The following SLC12A3 variants were observed in gnomAD, a reference collection of about 807,000 sequenced individuals.
SLC12A3 encodes solute carrier family 12 member 3.
A neutral mutation model predicts 121.0 loss-of-function variants in SLC12A3; 104 were observed. That is an observed-to-expected ratio of 0.86 (90% confidence interval 0.73 to 1.01). The LOEUF (loss-of-function observed/expected upper bound fraction) is 1.01. Ranked by LOEUF, SLC12A3 falls within the 50% of genes least tolerant of loss-of-function variation. The pLI is 0.00. For missense variants in SLC12A3, 1,328 were observed against 1,356.3 expected (o/e 0.98, Z 0.33); for synonymous variants, 536 against 533.4 (o/e 1.00, Z -0.07).
intron 25 of SLC12A3, among the ~76,000 whole-genome samples, chr16:56,910,061 TA>T (rs1246444396): frequency 6.6e-6 from 1 of 152,148 alleles, no homozygotes; most frequent in Non-Finnish European, 1.5e-5. Flanking sequence ...CTTTTTTTTC[TA>T]AAAACACTCC....
chr16:56,900,110 A>G (rs1312075307), intron 23 of SLC12A3, among the ~76,000 whole-genome samples: 4 of 152,092 alleles, frequency 2.6e-5, no homozygotes, highest in African/African-American at 9.7e-5. Context: ...TCACTAAGGT[A>G]TGTTTCCTCC....
Position 56,869,830 on chromosome 16 carries a change from C to T in SLC12A3, c.601+6C>T. The T allele has an allele frequency of 6.2e-7, 1 of 1,612,226 alleles. No individual in the cohort carries two copies. Among genetic ancestry groups the T allele is most frequent in the Non-Finnish European group, 8.5e-7 (1 of 1,178,322 alleles). ...CAATGGCAAGGTCAAGTCAGGTGGG[C>T]CATCCCCCTTTCCACCAAGGCCCTC... On this transcript the variant is annotated splice_donor_region_variant and intron_variant, in intron 4 of 25. Transcript: ENST00000563236.
At chr16:56,902,860 G>A (rs1282146956) in intron 24 of SLC12A3, among the ~76,000 whole-genome samples, 1 of 152,030 alleles carries the variant, frequency 6.6e-6, no homozygotes, top group East Asian at 1.9e-4. Flanking sequence ...AATTAGTCCT[G>A]TTAGGCCGGG....
At position 56,869,722 on chromosome 16, in the gene SLC12A3, C is replaced by T; in HGVS notation, c.506-7C>T. On this transcript the variant is annotated splice_region_variant and splice_polypyrimidine_tract_variant and intron_variant, in intron 3 of 25. Transcript: ENST00000563236. ...TGCCCTGCCTAAGCTTTGGGTGCCC[C>T]CTGCAGTCCTGACCTGGATCATCAT... The T allele has an allele frequency of 6.2e-7, 1 of 1,613,678 alleles. No homozygotes were observed. Among genetic ancestry groups the T allele is most frequent in the South Asian group, 1.1e-5 (1 of 91,046 alleles).
At position 56,879,172 on chromosome 16, in the gene SLC12A3, T is replaced by C; in HGVS notation, c.1280T>C (p.Phe427Ser). The C allele has an allele frequency of 6.2e-7, 1 of 1,613,196 alleles. No individual in the cohort carries two copies. Among genetic ancestry groups the C allele is most frequent in the Non-Finnish European group, 8.5e-7 (1 of 1,179,980 alleles). The change falls in exon 10 of 26, where the codon TTC (phenylalanine) becomes TCC (serine). Residue 427 changes from phenylalanine (F) to serine (S), a missense_variant. Coordinates refer to ENST00000563236, the MANE Select transcript of SLC12A3 (RefSeq NM_001126108.2). ...CTGGCCTGCAGCTATGGCTGGAACT[T>C]CACCGAGTGCACCCAGCAGCACAGC... The part of the protein sequence containing the change: ...EGLACSYGWN[F>S]TECTQQHSCH...
intron 17 of SLC12A3, among the ~76,000 whole-genome samples, chr16:56,887,367 G>C (rs1461958766): frequency 1.3e-5 from 2 of 152,032 alleles, no homozygotes; most frequent in Non-Finnish European, 2.9e-5. Flanking sequence ...ACCACACCCG[G>C]CTAGTTTTTT....
At chr16:56,885,982 C>A (rs2055305558) in intron 15 of SLC12A3, among the ~76,000 whole-genome samples, 1 of 152,208 alleles carries the variant, frequency 6.6e-6, no homozygotes, top group African/African-American at 2.4e-5. Flanking sequence ...CCCTTGACCA[C>A]TGCCCTCTGC....
At chr16:56,881,138 TG>T (rs2055234824) in intron 12 of SLC12A3, among the ~76,000 whole-genome samples, 1 of 152,194 alleles carries the variant, frequency 6.6e-6, no homozygotes, top group Non-Finnish European at 1.5e-5. Flanking sequence ...AGGAGTGGGA[TG>T]GGGGTAGACT....
At chr16:56,902,295 A>T in intron 23 of SLC12A3, 78 bp from the exon 24 acceptor site, 16 of 1,587,388 alleles carry the variant, frequency 1.0e-5, no homozygotes, top group Non-Finnish European at 1.4e-5. Flanking sequence ...CAACACTGCC[A>T]GCTCCCCGCA....
At chr16:56,904,531 C>A in intron 25 of SLC12A3, 69 bp downstream of exon 25, 1 of 1,466,814 alleles carries the variant, frequency 6.8e-7, no homozygotes. Flanking sequence ...TGGGAAGGGG[C>A]TCAGCAGGGG....
In SLC12A3 at chr16:56,883,859, G is replaced by A. The variant is rs537237439; in HGVS notation, c.1670-190G>A. ...TGGTGAAATGCCAGCCAAAGCAGGC[G>A]TGTGATTTGCCCCAGAGCCTGTAGA... On this transcript the variant is annotated intron_variant, in intron 13 of 25. Coordinates refer to ENST00000563236, the MANE Select transcript of SLC12A3 (RefSeq NM_001126108.2). 9.3e-4 allele frequency among the ~76,000 whole-genome samples: 142 copies of A among 152,368 alleles called. No individual in the cohort carries two copies. The Middle Eastern group carries it at 0.01, about 11-fold the overall frequency.
chr16:56,884,025 C>T, intron 13 of SLC12A3, 24 bp from the exon 14 acceptor site: 1 of 1,613,848 alleles, frequency 6.2e-7, no homozygotes, highest in South Asian at 1.1e-5. Flanking sequence ...CAGGCATGCC[C>T]ACTGACTGGT....
intron 8 of SLC12A3, 87 bp downstream of exon 8, chr16:56,872,873 C>CTCCCAGGTCA: frequency 6.4e-7 from 1 of 1,567,190 alleles, no homozygotes; most frequent in Non-Finnish European, 8.7e-7. Flanking sequence ...TGGCATCTGC[C>CTCCCAGGTCA]GCTGACCTGG....
intron 23 of SLC12A3, among the ~76,000 whole-genome samples, chr16:56,901,883 G>A (rs533271720): frequency 2.0e-5 from 3 of 152,296 alleles, no homozygotes; most frequent in South Asian, 4.1e-4. Context: ...AGTTCTGTTC[G>A]CTTCTGCACC....
chr16:56,892,936 G>T lies in SLC12A3; in HGVS notation c.2420-17G>T, dbSNP rs749799823. 8 of 1,606,640 alleles carry T rather than the reference G, an allele frequency of 5.0e-6. No individual in the cohort carries two copies. The highest frequency in any genetic ancestry group is 1.7e-4 in the Middle Eastern group (1 of 6,022). On this transcript the variant is annotated splice_polypyrimidine_tract_variant and intron_variant, in intron 20 of 25. Coordinates refer to ENST00000563236, the MANE Select transcript of SLC12A3 (RefSeq NM_001126108.2). ...GCGGCTGCTGGCTCTGCTCTGACCCGCCCCCACCTCCTGCAGTGGACCCCA... is the reference window on the plus strand; with the variant it reads ...GCGGCTGCTGGCTCTGCTCTGACCCTCCCCCACCTCCTGCAGTGGACCCCA...
chr16:56,902,531 G>GGGGGGGCCCC, intron 24 of SLC12A3, 23 bp downstream of exon 24: 18 of 714,296 alleles, frequency 2.5e-5, no homozygotes, highest in Non-Finnish European at 3.8e-5. Flanking sequence ...GTGGGGGTGG[G>GGGGGGGCCCC]AAACGCGACA....
At chr16:56,884,350 A>C in intron 14 of SLC12A3, 146 bp downstream of exon 14, 3 of 824,506 alleles carry the variant, frequency 3.6e-6, no homozygotes, top group Non-Finnish European at 5.8e-6. Flanking sequence ...ATCCCTCCCA[A>C]TGTGGCAAGA....
At chr16:56,876,611 G>T (rs1353330331) in intron 8 of SLC12A3, among the ~76,000 whole-genome samples, 1 of 151,436 alleles carries the variant, frequency 6.6e-6, no homozygotes, top group Admixed American at 6.6e-5. Flanking sequence ...GCAGACCTGG[G>T]CTCTAGAGAC....
intron 25 of SLC12A3, among the ~76,000 whole-genome samples, chr16:56,908,131 A>T (rs1393166024): frequency 3.0e-4 from 36 of 120,506 alleles, no homozygotes; most frequent in African/African-American, 1.0e-3. Context: ...TTAAAGAATG[A>T]TTGTATTCAT....
Sources: allele counts gnomAD v4.1 joint callset (sites outside exome capture counted in the v4.1 genomes callset), GRCh38; gene constraint gnomAD v4.1.1; transcripts MANE v1.5; gene names NCBI Gene and HGNC (gene_info 2026-07-23, HGNC 2026-07-21).